The following ELOVL7 variants were observed in gnomAD, a reference collection of about 807,000 sequenced individuals.
ELOVL7 encodes the protein ELOVL fatty acid elongase 7.
Under a neutral mutation model 35.7 loss-of-function variants are expected in ELOVL7, and 27 were observed. That is an observed-to-expected ratio of 0.76 (90% CI 0.56 to 1.04). The LOEUF (loss-of-function observed/expected upper bound fraction) is 1.04, where lower values mean the gene tolerates loss of function less well. Ranked by LOEUF, ELOVL7 falls within the 50% of genes least tolerant of loss-of-function variation. The pLI is 0.00. For synonymous variants in ELOVL7, 113 were observed against 114.6 expected (o/e 0.99, Z 0.09); for missense variants, 327 against 340.8 (o/e 0.96, Z 0.32).
intron 4 of ELOVL7, chr5:60,768,763 C>G (rs1742399340): frequency 2.2e-6 from 1 of 453,430 alleles, no homozygotes; most frequent in African/African-American, 2.0e-5. Context: ...ATTTAGGGCA[C>G]TGACAATATG....
At chr5:60,807,733 T>C (rs539873310) in intron 1 of ELOVL7, among the ~76,000 whole-genome samples, 126 of 151,774 alleles carry the variant, frequency 8.3e-4, no homozygotes, top group Non-Finnish European at 1.6e-3. Flanking sequence ...GGCGCGGTGG[T>C]TCACGCCTGT....
chr5:60,795,817 G>A (rs560797265), intron 2 of ELOVL7, among the ~76,000 whole-genome samples: 4 of 146,780 alleles, frequency 2.7e-5, no homozygotes, highest in African/African-American at 1.0e-4. Context: ...TAGGTTCCAC[G>A]GTTCTCTTCC....
chr5:60,824,904 A>C lies in ELOVL7; in HGVS notation c.-86+19256T>G, dbSNP rs144597608. 2.3e-4 allele frequency among the ~76,000 whole-genome samples: 35 copies of C among 151,952 alleles called. 1 individual carries two copies. Among genetic ancestry groups the C allele is most frequent in the African/African-American group, 8.2e-4 (34 of 41,440 alleles). The stretch of plus-strand genomic sequence containing the variant: ...TTCTTATAATGGGCTCCACGGCCTT[A>C]CATGATCTGGGCCCTGACTACCTCT... On this transcript the variant is annotated intron_variant, in intron 1 of 8. Transcript: ENST00000508821.
chr5:60,760,672 T>G (rs1459901362), intron 7 of ELOVL7, among the ~76,000 whole-genome samples: 1 of 152,240 alleles, frequency 6.6e-6, no homozygotes, highest in Non-Finnish European at 1.5e-5. Context: ...TTTTGGCTTT[T>G]GTTGCCATTG....
At position 60,754,815 on chromosome 5, in the gene ELOVL7, C is replaced by T. The variant is rs1425385292; in HGVS notation, c.655G>A (p.Ala219Thr). 19 of 1,613,670 alleles carry T rather than the reference C, an allele frequency of 1.2e-5. No individual in the cohort carries two copies. The East Asian group carries it at 2.7e-4, about 23-fold the overall frequency. Residue 219 changes from alanine to threonine, a missense_variant, in exon 9 of 9, where the codon GCC (alanine) becomes ACC (threonine). Physicochemically the swap from Ala to Thr is moderately conservative, Grantham distance 58. Coordinates refer to ENST00000508821, the MANE Select transcript of ELOVL7 (RefSeq NM_024930.3). ...AAAAAGAACTGGCTTATGTGGATGG[C>T]GACAATAACAAACTGGACCTAAGAA... is the stretch of plus-strand genomic sequence containing the variant. ...SLQLVQFVIV[A>T]IHISQFFFME... is the part of the protein sequence containing the mutation.
chr5:60,777,826 GGAA>G (rs1742998783), intron 3 of ELOVL7, among the ~76,000 whole-genome samples: 1 of 152,082 alleles, frequency 6.6e-6, no homozygotes, highest in Non-Finnish European at 1.5e-5. Context: ...GTGGATTTTC[GGAA>G]GGAGTCAAAG....
chr5:60,806,719 GTCTC>G (rs1744946747), intron 1 of ELOVL7, among the ~76,000 whole-genome samples: 1 of 152,126 alleles, frequency 6.6e-6, no homozygotes, highest in African/African-American at 2.4e-5. Context: ...ACTGTTTGCG[GTCTC>G]TCTCCTTGGC....
chr5:60,801,987 C>G (rs1192204853), intron 1 of ELOVL7, among the ~76,000 whole-genome samples: 1 of 150,642 alleles, frequency 6.6e-6, no homozygotes, highest in East Asian at 1.9e-4. Context: ...ACTAGCTTCT[C>G]TCTCTTTCTC....
intron 3 of ELOVL7, among the ~76,000 whole-genome samples, chr5:60,777,896 T>G (rs1022129706): frequency 1.3e-5 from 2 of 152,220 alleles, no homozygotes; most frequent in African/African-American, 4.8e-5. Flanking sequence ...CCACTACATT[T>G]AACAAAAGGA....
Position 60,764,225 on chromosome 5 carries a change from A to T in ELOVL7, c.499+2T>A. 4 of 1,604,004 alleles carry T rather than the reference A, an allele frequency of 2.5e-6. No homozygotes were observed. Among genetic ancestry groups the T allele is most frequent in the Non-Finnish European group, 3.4e-6 (4 of 1,171,482 alleles). On this transcript the variant is annotated splice_donor_variant, in intron 7 of 8. Coordinates refer to ENST00000508821, the MANE Select transcript of ELOVL7 (RefSeq NM_024930.3). LOFTEE classifies it high-confidence loss of function. ...ACATGATCCCAAATTTCCCTTGTCT[A>T]CCTGCAGCAAATTTGACTCCAAACC...
chr5:60,755,896 C>A (rs1249157524), intron 8 of ELOVL7, among the ~76,000 whole-genome samples: 1 of 152,286 alleles, frequency 6.6e-6, no homozygotes, highest in African/African-American at 2.4e-5. Context: ...AAGAAATAGA[C>A]AACAATTACT....
At position 60,754,773 on chromosome 5, in the gene ELOVL7, A is replaced by C. The variant is rs1346669495; in HGVS notation, c.697T>G (p.Tyr233Asp). The change falls in exon 9 of 9, where the codon TAT (tyrosine) becomes GAT (aspartate). Residue 233 changes from tyrosine (Y) to aspartate (D), a missense_variant. Transcript: ENST00000508821. ...ATGCACGCAAAGACTGGAAACTGAT[A>C]CTTGCAATCCTCCATGAAAAAGAAC... ...SQFFFMEDCKYQFPVFACIIM... is the reference protein window; with the variant it reads ...SQFFFMEDCKDQFPVFACIIM... The C allele has an allele frequency of 6.2e-7, 1 of 1,614,194 alleles. No individual in the cohort carries two copies. Among genetic ancestry groups the C allele is most frequent in the Non-Finnish European group, 8.5e-7 (1 of 1,180,026 alleles).
At chr5:60,797,957 C>T (rs1744364627) in intron 2 of ELOVL7, among the ~76,000 whole-genome samples, 2 of 152,184 alleles carry the variant, frequency 1.3e-5, no homozygotes, top group African/African-American at 4.8e-5. Context: ...CAAAAGAATG[C>T]AAGCAACCCT....
At chr5:60,834,591 C>T (rs1421388664) in intron 1 of ELOVL7, among the ~76,000 whole-genome samples, 1 of 152,048 alleles carries the variant, frequency 6.6e-6, no homozygotes, top group Admixed American at 6.6e-5. Context: ...ATGTTTGATG[C>T]CAGAAATTTG....
intron 1 of ELOVL7, among the ~76,000 whole-genome samples, chr5:60,827,894 A>G (rs1397361047): frequency 2.0e-5 from 3 of 151,578 alleles, no homozygotes; most frequent in Non-Finnish European, 4.4e-5. Context: ...CACACCCAGA[A>G]TCTCTCCTTC....
chr5:60,758,317 C>A (rs1301701021), intron 7 of ELOVL7, among the ~76,000 whole-genome samples: 3 of 152,146 alleles, frequency 2.0e-5, no homozygotes, highest in Non-Finnish European at 2.9e-5. Flanking sequence ...CTCCTATTGA[C>A]AGACATGTGG....
chr5:60,785,242 TTGCAATGC>T lies in ELOVL7; in HGVS notation c.64+2084_64+2091del, dbSNP rs1056876488. Among the ~76,000 whole-genome samples, 25 of 152,178 alleles carry T rather than the reference TTGCAATGC, an allele frequency of 1.6e-4. 2 individuals are homozygous for T. The highest frequency in any genetic ancestry group is 1.3e-3 in the East Asian group (7 of 5,188). ...TCTCCCCTCATCTTCCCTGCACCGT[TTGCAATGC>T]TGTTGTCAGGACTCCACTCCACATC... is the stretch of plus-strand genomic sequence containing the variant. On this transcript the variant is annotated intron_variant, in intron 3 of 8. Transcript: ENST00000508821.
chr5:60,798,006 T>C (rs1015125007), intron 2 of ELOVL7, among the ~76,000 whole-genome samples: 1 of 152,330 alleles, frequency 6.6e-6, no homozygotes, highest in African/African-American at 2.4e-5. Context: ...GCCCCCTCCC[T>C]GCTTCGAGTC....
intron 7 of ELOVL7, among the ~76,000 whole-genome samples, chr5:60,759,104 C>G (rs12658660): frequency 0.062 from 9,458 of 152,180 alleles, 563 homozygotes; most frequent in East Asian, 0.2. Context: ...GATACTAGCA[C>G]TGCTGAAGTA....
Sources: gnomAD v4.1 joint callset for allele counts (sites outside exome capture counted in the v4.1 genomes callset) on GRCh38, gnomAD v4.1.1 for gene constraint, MANE v1.5 for transcripts, NCBI Gene and HGNC (gene_info 2026-07-23, HGNC 2026-07-21) for gene names.